CAST: variants seen among roughly 807,000 people sequenced by gnomAD.
CAST encodes the protein calpastatin.
A neutral mutation model predicts 119.6 loss-of-function variants in CAST; 76 were observed. The ratio of observed to expected loss-of-function variants is 0.64; its 90% CI spans 0.53 to 0.77. CAST has a LOEUF of 0.77. Ranked by LOEUF, CAST falls within the 30% of genes least tolerant of loss-of-function variation. The pLI, the probability that CAST is intolerant of heterozygous loss-of-function variation, is 0.00. For missense variants in CAST, 953 were observed against 946.5 expected (o/e 1.01, Z -0.09); for synonymous variants, 319 against 331.6 (o/e 0.96, Z 0.41).
chr5:95,961,519 GC>G, the CAST span: 4 of 1,458,020 alleles, frequency 2.7e-6, no homozygotes, highest in Non-Finnish European at 3.6e-6. Flanking sequence ...GCGCGGCCAG[GC>G]CGTGAGGGGT....
the CAST span, among the ~76,000 whole-genome samples, chr5:96,357,215 C>T: frequency 1.2e-4 from 18 of 152,246 alleles, no homozygotes; most frequent in East Asian, 2.5e-3. Flanking sequence ...TGCTTATCAG[C>T]GTAAGGAGAT....
At chr5:96,381,004 A>T in the CAST span, among the ~76,000 whole-genome samples, 1 of 152,168 alleles carries the variant, frequency 6.6e-6, no homozygotes, top group East Asian at 1.9e-4. Context: ...GTGTAGTATC[A>T]CAGGAGAATA....
At chr5:96,295,230 C>T in the CAST span, among the ~76,000 whole-genome samples, 3 of 152,056 alleles carry the variant, frequency 2.0e-5, no homozygotes, top group African/African-American at 7.2e-5. Context: ...ATCGAATGCC[C>T]CCCATGGAGA....
intron 9 of CAST, among the ~76,000 whole-genome samples, chr5:96,732,925 T>C (rs1179573344): frequency 6.6e-6 from 1 of 152,194 alleles, no homozygotes; most frequent in Non-Finnish European, 1.5e-5. Context: ...AATGTAAAAG[T>C]AATATAGATT....
At chr5:96,593,422 G>A (rs575073764) in intron 1 of CAST, among the ~76,000 whole-genome samples, 26 of 152,226 alleles carry the variant, frequency 1.7e-4, no homozygotes, top group Middle Eastern at 6.8e-3. Context: ...CAGTATCATT[G>A]AGCCTTGTAC....
At chr5:96,419,747 GGT>G in the CAST span, among the ~76,000 whole-genome samples, 1 of 151,664 alleles carries the variant, frequency 6.6e-6, no homozygotes, top group Non-Finnish European at 1.5e-5. Flanking sequence ...GGCCTTTGCA[GGT>G]AACTCCCTGA....
chr5:96,410,994 A>G, the CAST span: 4 of 1,599,060 alleles, frequency 2.5e-6, no homozygotes, highest in Non-Finnish European at 2.6e-6. Flanking sequence ...CCCCTAAAGG[A>G]AAAGCCAGAA....
chr5:96,038,239 G>C, the CAST span, among the ~76,000 whole-genome samples: 1 of 152,178 alleles, frequency 6.6e-6, no homozygotes, highest in Admixed American at 6.6e-5. Flanking sequence ...GTATGGGCTA[G>C]GAATCTTTGC....
the CAST span, among the ~76,000 whole-genome samples, chr5:96,389,357 A>G: frequency 1.3e-5 from 2 of 152,222 alleles, no homozygotes; most frequent in Non-Finnish European, 2.9e-5. Context: ...ACAATATCAC[A>G]TTGTACACCT....
chr5:96,176,268 G>A, the CAST span, among the ~76,000 whole-genome samples: 21 of 152,324 alleles, frequency 1.4e-4, no homozygotes, highest in Middle Eastern at 3.4e-3. Flanking sequence ...AAGAGATAAA[G>A]TGATAAAAGA....
At chr5:96,749,423 G>A (rs986479438) in intron 19 of CAST, among the ~76,000 whole-genome samples, 16 of 152,232 alleles carry the variant, frequency 1.1e-4, no homozygotes, top group Non-Finnish European at 1.6e-4. Context: ...TTCCTTGAAC[G>A]AAGAGATCAT....
chr5:96,098,776 C>G, the CAST span, among the ~76,000 whole-genome samples: 4 of 152,012 alleles, frequency 2.6e-5, no homozygotes, highest in African/African-American at 9.7e-5. Context: ...AGCTTTGTTC[C>G]TTTTGCTTAG....
chr5:96,506,609 G>T, the CAST span, among the ~76,000 whole-genome samples: 4 of 152,132 alleles, frequency 2.6e-5, no homozygotes, highest in Admixed American at 6.5e-5. Flanking sequence ...AAGGGAAAGA[G>T]CTAATGTGGG....
intron 1 of CAST, among the ~76,000 whole-genome samples, chr5:96,555,102 C>T (rs1001333295): frequency 6.6e-5 from 10 of 152,190 alleles, no homozygotes; most frequent in African/African-American, 2.4e-4. Flanking sequence ...CAGATGCACA[C>T]GTATGTTTAT....
At chr5:96,317,205 T>G in the CAST span, among the ~76,000 whole-genome samples, 1 of 151,788 alleles carries the variant, frequency 6.6e-6, no homozygotes, top group Non-Finnish European at 1.5e-5. Flanking sequence ...GGCTCATGCC[T>G]GTAATCCTAG....
At chr5:96,182,334 T>C in the CAST span, among the ~76,000 whole-genome samples, 1 of 152,198 alleles carries the variant, frequency 6.6e-6, no homozygotes, top group Non-Finnish European at 1.5e-5. Flanking sequence ...TTACTTGGGC[T>C]TGGAATTTGG....
the CAST span, among the ~76,000 whole-genome samples, chr5:96,068,420 G>A: frequency 6.6e-6 from 1 of 151,944 alleles, no homozygotes; most frequent in East Asian, 1.9e-4. Flanking sequence ...CTGACTCCTG[G>A]TCCCTGTGCC....
the CAST span, among the ~76,000 whole-genome samples, chr5:96,478,224 C>A: frequency 6.6e-6 from 1 of 152,096 alleles, no homozygotes; most frequent in South Asian, 2.1e-4. Context: ...TAAGAAAGTC[C>A]CAATAGGGAG....
chr5:96,503,695 T>G, the CAST span, among the ~76,000 whole-genome samples: 1 of 152,090 alleles, frequency 6.6e-6, no homozygotes, highest in Non-Finnish European at 1.5e-5. Flanking sequence ...AAATGCGGAC[T>G]CCTTCTGATA....
Sources: gnomAD v4.1 joint callset for allele counts (sites outside exome capture counted in the v4.1 genomes callset) on GRCh38, gnomAD v4.1.1 for gene constraint, MANE v1.5 for transcripts, NCBI Gene and HGNC (gene_info 2026-07-23, HGNC 2026-07-21) for gene names.